COL2A1: variants seen among roughly 807,000 people sequenced by gnomAD.
COL2A1 encodes the protein collagen alpha-1(II) chain.
Under a neutral mutation model 204.5 loss-of-function variants are expected in COL2A1, and 28 were observed. The ratio of observed to expected loss-of-function variants is 0.14; its 90% CI spans 0.10 to 0.19. COL2A1 has a LOEUF of 0.19. Among genes scored for constraint, COL2A1 ranks in the 10% least tolerant of loss-of-function variants. The probability of loss-of-function intolerance (pLI) is 1.00; values close to 1 mark genes in which losing one functional copy is unlikely to be tolerated. For synonymous variants in COL2A1, 708 were observed against 718.7 expected (o/e 0.99, Z 0.24); for missense variants, 1,388 against 2,027.5 (o/e 0.68, Z 6.06).
intron 4 of COL2A1, 32 bp downstream of exon 4, chr12:47,998,137 T>A: frequency 6.2e-7 from 1 of 1,614,156 alleles, no homozygotes; most frequent in Non-Finnish European, 8.5e-7. Flanking sequence ...GAGCAGCAGC[T>A]GCAATACCGG....
At position 47,994,410 on chromosome 12, in the gene COL2A1, A is replaced by ACGGTGG; in HGVS notation, c.816+8_816+13dup. On this transcript the variant is annotated intron_variant, in intron 12 of 53. Coordinates refer to ENST00000380518, the MANE Select transcript of COL2A1 (RefSeq NM_001844.5). The stretch of plus-strand genomic sequence containing the variant: ...CTAGGAAAGATGCCTGAGGCTGGGA[A>ACGGTGG]CGGTGGCGTTTACCTGAGGACCAGG... The ACGGTGG allele has an allele frequency of 6.2e-7, 1 of 1,614,072 alleles. No individual in the cohort carries two copies. Among genetic ancestry groups the ACGGTGG allele is most frequent in the East Asian group, 2.2e-5 (1 of 44,880 alleles).
rs1338485571 is a variant in COL2A1, at chr12:47,981,824, C to T, written c.2361G>A (p.Leu787=). The T allele has an allele frequency of 7.1e-6, 11 of 1,554,330 alleles. No individual in the cohort carries two copies. The highest frequency in any genetic ancestry group is 9.6e-6 in the Non-Finnish European group (11 of 1,148,654). The change falls in exon 36 of 54, where the codon CTG becomes CTA. Residue 787 remains leucine, a synonymous_variant. Transcript: ENST00000380518. The part of the protein sequence containing the change: ...GAPGKDGGRG[L]TGPIGPPGPA... ...GGCCAGGGGGGCCAATGGGACCTGT[C>T]AGGCCCTGCGGGGAGAGCAGGTAGA...
At chr12:48,004,495 C>A, upstream of COL2A1, 1 of 541,844 alleles carries the variant, frequency 1.8e-6, no homozygotes, top group South Asian at 2.3e-5. Flanking sequence ...CCCGCCGCGG[C>A]GCCCGTTATA....
chr12:47,989,208 C>A lies in COL2A1; in HGVS notation c.1122+20G>T. ...CTTCTCGGCACCCAGAAGTTCCTGACTGGACAACAGGGCACGTACCTTGGC... is the reference window on the plus strand; with the variant it reads ...CTTCTCGGCACCCAGAAGTTCCTGAATGGACAACAGGGCACGTACCTTGGC... On this transcript the variant is annotated intron_variant, in intron 18 of 53. Transcript: ENST00000380518. 1 of 1,607,890 alleles carries A rather than the reference C, an allele frequency of 6.2e-7. No homozygotes were observed. Among genetic ancestry groups the A allele is most frequent in the South Asian group, 1.1e-5 (1 of 89,416 alleles).
intron 34 of COL2A1, 75 bp from the exon 35 acceptor site, chr12:47,982,235 T>G: frequency 1.5e-6 from 2 of 1,378,230 alleles, no homozygotes; most frequent in Non-Finnish European, 2.1e-6. Context: ...CCACCCAGGC[T>G]GGGGTGCTAG....
chr12:47,977,412 T>C lies in COL2A1; in HGVS notation c.3181A>G (p.Thr1061Ala). ...GCTCCAGGAGCTCCCACAGCACCAG[T>C]CTCACCACGATCACCCTGTCAGGAG... ...AAGVKGDRGE[T>A]GAVGAPGAPG... Residue 1061 changes from threonine to alanine, a missense_variant, in exon 46 of 54, where the codon ACT becomes GCT. Thr to Ala is a moderately conservative substitution (Grantham distance 58, BLOSUM62 0). Coordinates refer to ENST00000380518, the MANE Select transcript of COL2A1 (RefSeq NM_001844.5). The C allele has an allele frequency of 6.2e-7, 1 of 1,612,990 alleles. No homozygotes were observed. The highest frequency in any genetic ancestry group is 8.5e-7 in the Non-Finnish European group (1 of 1,179,488).
rs1024139079 is a variant in COL2A1, at chr12:47,978,231, G to A, written c.3003+60C>T. On this transcript the variant is annotated intron_variant, in intron 43 of 53. Coordinates refer to ENST00000380518, the MANE Select transcript of COL2A1 (RefSeq NM_001844.5). This position sits in a 1 kb window ranked among gnomAD's most constrained non-coding sequence, Gnocchi z 5.5. ...GGACAGTCCTGAGGGTGCTGAGGGAGGTAGAAGCCTTGGCAGGCAGGGCCC... is the reference window on the plus strand; with the variant it reads ...GGACAGTCCTGAGGGTGCTGAGGGAAGTAGAAGCCTTGGCAGGCAGGGCCC... 3.1e-5 allele frequency: 50 copies of A among 1,597,952 alleles called. No homozygotes were observed. Among genetic ancestry groups the A allele is most frequent in the Non-Finnish European group, 4.0e-5 (47 of 1,168,576 alleles).
At chr12:47,994,356 CTG>C (rs1237345844) in intron 12 of COL2A1, 66 bp downstream of exon 12, 33 of 1,550,916 alleles carry the variant, frequency 2.1e-5, no homozygotes, top group Non-Finnish European at 2.9e-5. Flanking sequence ...ACTGGATGCA[CTG>C]TGTTTAAGGC....
intron 47 of COL2A1, 51 bp downstream of exon 47, chr12:47,977,051 C>T (rs1424800548): frequency 6.3e-7 from 1 of 1,579,464 alleles, no homozygotes; most frequent in Non-Finnish European, 8.6e-7. Context: ...GCTGGCTGCC[C>T]TCCCAGCCTA....
At position 47,994,304 on chromosome 12, in the gene COL2A1, A is replaced by T. The variant is rs1276847724; in HGVS notation, c.816+120T>A. The T allele has an allele frequency of 7.2e-6, 8 of 1,116,602 alleles. No homozygotes were observed. In the Admixed American group the frequency reaches 1.5e-4, roughly 21 times the overall value. The allele number at this position is 1,116,602 out of a possible 1,614,324, so 69.2% of individuals were successfully genotyped here. A position where few individuals can be genotyped will look rare whatever the true frequency, so the allele number is the denominator to read the frequency against. On this transcript the variant is annotated intron_variant, in intron 12 of 53. Transcript: ENST00000380518. ...AATTACAAACATGGTCGTGATAAATATAGGGGCTACTGGCGTTTCATCTCA... is the reference window on the plus strand; with the variant it reads ...AATTACAAACATGGTCGTGATAAATTTAGGGGCTACTGGCGTTTCATCTCA...
In COL2A1 at chr12:47,993,814, C is replaced by T. The variant is rs2136609377; in HGVS notation, c.919G>A (p.Val307Met). ...GAKGEAGAPG[V>M]KGESGSPGEN... ...TGTACTTTCTGGCCTCTCACCTTCA[C>T]ACCAGGAGCACCCGCCTCTCCCTTA... The change falls in exon 14 of 54, where the codon GTG becomes ATG. Residue 307 changes from valine (V) to methionine (M), a missense_variant. Transcript: ENST00000380518. 7 of 1,614,136 alleles carry T rather than the reference C, an allele frequency of 4.3e-6. No individual in the cohort carries two copies. The highest frequency in any genetic ancestry group is 5.9e-6 in the Non-Finnish European group (7 of 1,180,008).
Position 47,986,882 on chromosome 12 carries a change from G to A in COL2A1, c.1372C>T (p.Pro458Ser), listed in dbSNP as rs764095772. The change falls in exon 22 of 54, where the codon CCT (proline) becomes TCT (serine). Residue 458 changes from proline (P) to serine (S), a missense_variant. Physicochemically the swap from Pro to Ser is moderately conservative, Grantham distance 74 (BLOSUM62 -1). Transcript: ENST00000380518. ...TCACCTTTGAAGCCAGCAATACCAG[G>A]TTCACCCTTGAAAAGAGAGGCAGGT... ...PLGPKGQTGE[P>S]GIAGFKGEQG... 4 of 1,614,178 alleles carry A rather than the reference G, an allele frequency of 2.5e-6. No homozygotes were observed. In the East Asian group the frequency reaches 8.9e-5, roughly 36 times the overall value.
At position 47,987,138 on chromosome 12, in the gene COL2A1, C is replaced by A. The variant is rs746470217; in HGVS notation, c.1305G>T (p.Gly435=). 3 of 1,614,096 alleles carry A rather than the reference C, an allele frequency of 1.9e-6. No individual in the cohort carries two copies. The highest frequency in any genetic ancestry group is 2.5e-6 in the Non-Finnish European group (3 of 1,180,018). The change falls in exon 21 of 54, where the codon GGG becomes GGT. Residue 435 remains glycine, a synonymous_variant. Coordinates refer to ENST00000380518, the MANE Select transcript of COL2A1 (RefSeq NM_001844.5). This position sits in a 1 kb window ranked among gnomAD's most constrained non-coding sequence, Gnocchi z 4.1. ...PGIAGAPGFP[G]PRGPPGPQGA... The stretch of plus-strand genomic sequence containing the variant: ...CTTGAGGGCCAGGAGGGCCCCGTGG[C>A]CCAGGGAAGCCAGGAGCACCAGCAA...
rs1322319171 is a variant in COL2A1, at chr12:47,977,130, G to A, written c.3299C>T (p.Ser1100Leu). 6.2e-7 allele frequency: 1 copy of A among 1,610,248 alleles called. No homozygotes were observed. Among genetic ancestry groups the A allele is most frequent in the South Asian group, 1.1e-5 (1 of 89,942 alleles). Residue 1100 changes from serine (S) to leucine (L), a missense_variant, in exon 47 of 54, where the codon TCA becomes TTA. Physicochemically the swap from Ser to Leu is moderately radical, Grantham distance 145 (BLOSUM62 -2). This residue lies in a region of COL2A1 where 884 missense variants were observed against 1,415.8 expected (regional missense o/e 0.62). Transcript: ENST00000380518. ...GATTCCCCGGGCTCCAGCTGGTCCT[G>A]AGGGTCCCATGGGGCCTTGTGCACC... ...EAGAQGPMGP[S>L]GPAGARGIQG...
intron 28 of COL2A1, 118 bp from the exon 29 acceptor site, chr12:47,984,258 C>T (rs779304253): frequency 1.1e-6 from 1 of 940,028 alleles, no homozygotes; most frequent in Non-Finnish European, 1.7e-6. Context: ...GGTACCCCAG[C>T]TGAGCTCCAT....
chr12:47,983,265 G>T, intron 31 of COL2A1, 120 bp downstream of exon 31: 1 of 1,477,218 alleles, frequency 6.8e-7, no homozygotes, highest in Non-Finnish European at 9.4e-7. Context: ...GCTGGGACAT[G>T]GGTCCAGGAC....
In COL2A1 at chr12:47,978,894, T is replaced by G; in HGVS notation, c.2734-136A>C. 2.2e-6 allele frequency: 2 copies of G among 892,200 alleles called. No homozygotes were observed. The highest frequency in any genetic ancestry group is 6.1e-4 in the Middle Eastern group (2 of 3,258). The allele number at this position is 892,200 out of a possible 1,614,324, so 55.3% of individuals were successfully genotyped here. A position where few individuals can be genotyped will look rare whatever the true frequency, so the allele number is the denominator to read the frequency against. On this transcript the variant is annotated intron_variant, in intron 41 of 53. Coordinates refer to ENST00000380518, the MANE Select transcript of COL2A1 (RefSeq NM_001844.5). This position sits in a 1 kb window ranked among gnomAD's most constrained non-coding sequence, Gnocchi z 5.5. ...CCTCCCCACACTAAGGGCAGGCAGC[T>G]TAACCCCCCCAACCCCAATCTACCG...
chr12:47,998,410 C>A lies in COL2A1; in HGVS notation c.309+5G>T, dbSNP rs752610490. ...ATGAAAAAAGAAAAAGAAGAAAGCC[C>A]TTACCTTTGGTCCTGGTTGCCCTGC... On this transcript the variant is annotated splice_donor_5th_base_variant and intron_variant, in intron 3 of 53. Coordinates refer to ENST00000380518, the MANE Select transcript of COL2A1 (RefSeq NM_001844.5). 2.5e-6 allele frequency: 4 copies of A among 1,606,066 alleles called. 1 individual carries two copies. Among genetic ancestry groups the A allele is most frequent in the Non-Finnish European group, 2.6e-6 (3 of 1,174,754 alleles).
At chr12:47,982,440 A>G (rs1168535475) in intron 34 of COL2A1, 62 bp downstream of exon 34, 3 of 1,391,882 alleles carry the variant, frequency 2.2e-6, no homozygotes, top group Non-Finnish European at 2.0e-6. Flanking sequence ...GGAAGCGATC[A>G]CAAGGGGCAG....
Sources: allele counts gnomAD v4.1 joint callset, GRCh38; gene constraint gnomAD v4.1.1; regional missense constraint gnomAD v4.1.1; non-coding constraint Gnocchi (gnomAD v3.1); transcripts MANE v1.5; gene names NCBI Gene and HGNC (gene_info 2026-07-23, HGNC 2026-07-21).